The following UNC5D variants were observed in gnomAD, a reference collection of about 807,000 sequenced individuals.
The protein encoded by UNC5D is netrin receptor UNC5D.
UNC5D carries 39 observed loss-of-function variants against 105.4 expected under a neutral mutation model. The observed-to-expected ratio is 0.37, with a 90% CI of 0.29 to 0.48. The LOEUF (loss-of-function observed/expected upper bound fraction) is 0.48, where lower values mean the gene tolerates loss of function less well. Ranked by LOEUF, UNC5D falls within the 20% of genes least tolerant of loss-of-function variation. UNC5D has a pLI of 0.98. For synonymous variants in UNC5D, 452 were observed against 450.4 expected, an observed-to-expected ratio of 1.00 and a Z score of -0.04; for missense variants, 991 against 1,202.4, an observed-to-expected ratio of 0.82 and a Z score of 2.60.
At chr8:35,504,006 T>TTAA in intron 1 of UNC5D, among the ~76,000 whole-genome samples, 1 of 152,232 alleles carries the variant, frequency 6.6e-6, no homozygotes, top group Admixed American at 6.5e-5. Context: ...TTGAAATGGT[T>TTAA]GCCAGGTTTG....
chr8:35,368,033 A>G (rs1319185834), intron 1 of UNC5D, among the ~76,000 whole-genome samples: 15 of 152,188 alleles, frequency 9.9e-5, no homozygotes, highest in Admixed American at 9.8e-4. Flanking sequence ...TGCTTTAATA[A>G]TGTGGGAAAG....
intron 1 of UNC5D, among the ~76,000 whole-genome samples, chr8:35,546,829 C>A (rs1208916158): frequency 6.6e-6 from 1 of 152,154 alleles, no homozygotes; most frequent in Non-Finnish European, 1.5e-5. Flanking sequence ...TGAGATTCCA[C>A]CCCGAAACCC....
At chr8:35,618,098 T>A (rs2131014026) in intron 4 of UNC5D, among the ~76,000 whole-genome samples, 1 of 152,302 alleles carries the variant, frequency 6.6e-6, no homozygotes, top group Non-Finnish European at 1.5e-5. Flanking sequence ...GGAGATCACC[T>A]TCTAGAGGCA....
At chr8:35,346,582 C>A (rs2128906677) in intron 1 of UNC5D, among the ~76,000 whole-genome samples, 1 of 152,052 alleles carries the variant, frequency 6.6e-6, no homozygotes, top group Admixed American at 6.6e-5. Flanking sequence ...TATATTTATG[C>A]ATTGTTAATA....
At chr8:35,699,114 C>T (rs549661673) in intron 7 of UNC5D, among the ~76,000 whole-genome samples, 1 of 152,238 alleles carries the variant, frequency 6.6e-6, no homozygotes, top group East Asian at 1.9e-4. Context: ...ATATTCATCA[C>T]AAAAACTAAC....
At chr8:35,770,529 A>G (rs567871675) in intron 15 of UNC5D, among the ~76,000 whole-genome samples, 1 of 152,308 alleles carries the variant, frequency 6.6e-6, no homozygotes, top group African/African-American at 2.4e-5. Context: ...AGTCTTTGGA[A>G]GAAAGTTGTT....
intron 1 of UNC5D, among the ~76,000 whole-genome samples, chr8:35,379,905 T>A (rs1802918799): frequency 6.6e-6 from 1 of 151,406 alleles, no homozygotes; most frequent in South Asian, 2.1e-4. Flanking sequence ...TTTTTATATA[T>A]CGTCTTAGGC....
intron 4 of UNC5D, among the ~76,000 whole-genome samples, chr8:35,617,488 C>T (rs565669407): frequency 1.4e-4 from 21 of 152,270 alleles, no homozygotes; most frequent in Non-Finnish European, 2.9e-4. Flanking sequence ...CCTAGATGGC[C>T]TCTTTCATTG....
chr8:35,404,463 G>C (rs993459826), intron 1 of UNC5D, among the ~76,000 whole-genome samples: 2 of 152,222 alleles, frequency 1.3e-5, no homozygotes, highest in Admixed American at 1.3e-4. Flanking sequence ...CCTGCTGAAA[G>C]TATGATCTTA....
chr8:35,594,003 AG>A (rs1437254608), intron 3 of UNC5D, among the ~76,000 whole-genome samples: 1 of 152,188 alleles, frequency 6.6e-6, no homozygotes, highest in Non-Finnish European at 1.5e-5. Flanking sequence ...TTTTGTTATC[AG>A]GTATGTGACC....
At chr8:35,579,280 C>G (rs1215446778) in intron 3 of UNC5D, among the ~76,000 whole-genome samples, 2 of 152,142 alleles carry the variant, frequency 1.3e-5, no homozygotes, top group Non-Finnish European at 2.9e-5. Context: ...ATTCCAGAAA[C>G]TTGCCAAGTG....
intron 4 of UNC5D, among the ~76,000 whole-genome samples, chr8:35,610,223 G>C (rs947055813): frequency 6.6e-6 from 1 of 151,936 alleles, no homozygotes; most frequent in African/African-American, 2.4e-5. Flanking sequence ...GAAGCACCAA[G>C]AGCCAACTTT....
At chr8:35,498,901 C>T (rs1811792680) in intron 1 of UNC5D, among the ~76,000 whole-genome samples, 1 of 151,944 alleles carries the variant, frequency 6.6e-6, no homozygotes, top group African/African-American at 2.4e-5. Flanking sequence ...GATCCTGTTC[C>T]TCAACATTTG....
At chr8:35,364,584 A>G (rs1802016348) in intron 1 of UNC5D, among the ~76,000 whole-genome samples, 1 of 152,136 alleles carries the variant, frequency 6.6e-6, no homozygotes, top group Non-Finnish European at 1.5e-5. Context: ...TGTTATTGTT[A>G]TTGGAGTACC....
intron 8 of UNC5D, among the ~76,000 whole-genome samples, chr8:35,709,885 A>C (rs1827830402): frequency 1.3e-5 from 2 of 152,116 alleles, no homozygotes; most frequent in South Asian, 4.1e-4. Context: ...CTGCAACAGA[A>C]TGAGAAGTGG....
chr8:35,711,984 G>A (rs937481564), intron 8 of UNC5D, among the ~76,000 whole-genome samples: 20 of 152,138 alleles, frequency 1.3e-4, no homozygotes, highest in Admixed American at 9.8e-4. Context: ...GGACCTTTTG[G>A]TGTTAAAGAA....
In UNC5D at chr8:35,402,790, A is replaced by G. The variant is rs973795335; in HGVS notation, c.104-146502A>G. Among the ~76,000 whole-genome samples the G allele has an allele frequency of 2.0e-5, 3 of 152,140 alleles. No homozygotes were observed. In the East Asian group the frequency reaches 5.8e-4, roughly 29 times the overall value. On this transcript the variant is annotated intron_variant, in intron 1 of 16. Transcript: ENST00000404895. ...TTAGCACTTCTTACTTCTTAGCCCC[A>G]AAAGAATAGTGAGAGGTTGAGTACT...
At chr8:35,463,681 G>A (rs1481180045) in intron 1 of UNC5D, among the ~76,000 whole-genome samples, 3 of 150,810 alleles carry the variant, frequency 2.0e-5, no homozygotes, top group Admixed American at 1.3e-4. Flanking sequence ...AGCTACTTGA[G>A]AGGCTGAGGT....
chr8:35,370,785 T>C (rs879631697), intron 1 of UNC5D, among the ~76,000 whole-genome samples: 11 of 152,294 alleles, frequency 7.2e-5, no homozygotes, highest in Middle Eastern at 3.4e-3. Context: ...TTCATGGAAA[T>C]GGGCTGAATA....
Sources: allele counts gnomAD v4.1 joint callset (sites outside exome capture counted in the v4.1 genomes callset), GRCh38; gene constraint gnomAD v4.1.1; transcripts MANE v1.5; gene names NCBI Gene and HGNC (gene_info 2026-07-23, HGNC 2026-07-21).